Variants in ST6GAL2 observed in about 807,000 individuals in gnomAD.
ST6GAL2 encodes beta-galactoside alpha-2,6-sialyltransferase 2.
A neutral mutation model predicts 37.5 loss-of-function variants in ST6GAL2; 24 were observed. The observed-to-expected ratio is 0.64, with a 90% CI of 0.46 to 0.90. The LOEUF (loss-of-function observed/expected upper bound fraction) is 0.90. Ranked by LOEUF, ST6GAL2 falls within the 40% of genes least tolerant of loss-of-function variation. The pLI, the probability that ST6GAL2 is intolerant of heterozygous loss-of-function variation, is 0.00. For synonymous variants in ST6GAL2, 306 were observed against 295.1 expected (o/e 1.04, Z -0.38); for missense variants, 715 against 712.7 (o/e 1.00, Z -0.04).
intron 2 of ST6GAL2, among the ~76,000 whole-genome samples, chr2:106,839,539 C>T (rs1277629192): frequency 2.0e-5 from 3 of 152,096 alleles, no homozygotes; most frequent in Non-Finnish European, 4.4e-5. Context: ...ATAAATAATG[C>T]TAATTGGATG....
intron 1 of ST6GAL2, among the ~76,000 whole-genome samples, chr2:106,844,944 C>A (rs1448453263): frequency 6.6e-6 from 1 of 152,158 alleles, no homozygotes; most frequent in African/African-American, 2.4e-5. Context: ...AAAGGAAACA[C>A]AAAAACATTA....
At chr2:106,861,147 G>C (rs1677781441) in intron 1 of ST6GAL2, among the ~76,000 whole-genome samples, 1 of 152,118 alleles carries the variant, frequency 6.6e-6, no homozygotes, top group Non-Finnish European at 1.5e-5. Flanking sequence ...CAGGAAAATA[G>C]CACAGCAAAG....
intron 1 of ST6GAL2, among the ~76,000 whole-genome samples, chr2:106,876,261 T>C (rs552217278): frequency 3.3e-5 from 5 of 152,330 alleles, no homozygotes; most frequent in Non-Finnish European, 5.9e-5. Context: ...TTGTACTACA[T>C]TTTAAAATTT....
At chr2:106,884,033 C>G (rs1678858242) in intron 1 of ST6GAL2, among the ~76,000 whole-genome samples, 1 of 152,124 alleles carries the variant, frequency 6.6e-6, no homozygotes, top group Non-Finnish European at 1.5e-5. Context: ...AAATTCTAAA[C>G]CTGGAGGGTA....
chr2:106,813,084 A>C, intron 5 of ST6GAL2: 1 of 1,222,586 alleles, frequency 8.2e-7, no homozygotes, highest in East Asian at 3.3e-5. Flanking sequence ...ATCTTTAAAC[A>C]GTATGAATGT....
intron 5 of ST6GAL2, among the ~76,000 whole-genome samples, chr2:106,820,098 G>T (rs1394163258): frequency 6.6e-6 from 1 of 151,914 alleles, no homozygotes; most frequent in Non-Finnish European, 1.5e-5. Context: ...CAACAAAATG[G>T]CAGGAGTAAG....
chr2:106,871,680 C>T (rs1306277987), intron 1 of ST6GAL2, among the ~76,000 whole-genome samples: 1 of 152,120 alleles, frequency 6.6e-6, no homozygotes. Context: ...TAGGCCTACA[C>T]AGGGTCATGG....
At chr2:106,844,131 G>A (rs2104523429) in intron 1 of ST6GAL2, 97 bp from the exon 2 acceptor site, 1 of 593,978 alleles carries the variant, frequency 1.7e-6, no homozygotes, top group South Asian at 3.0e-5. Context: ...TAGGTGGTGG[G>A]GTGGGGTTGT....
intron 1 of ST6GAL2, among the ~76,000 whole-genome samples, chr2:106,864,982 T>C (rs1224619362): frequency 6.6e-6 from 1 of 152,046 alleles, no homozygotes; most frequent in Non-Finnish European, 1.5e-5. Flanking sequence ...CATTCTATGG[T>C]GTAAACGCTT....
rs538005448 is a variant in ST6GAL2, at chr2:106,865,507, T to C, written c.-58+20586A>G. 3.9e-5 allele frequency among the ~76,000 whole-genome samples: 6 copies of C among 152,294 alleles called. No homozygotes were observed. The East Asian group carries it at 1.2e-3, about 29-fold the overall frequency. ...GGGAGAAAGAAAGCTGTACAGTGCT[T>C]AACACATGAAAACACCCGGTCAGCA... is the stretch of plus-strand genomic sequence containing the variant. On this transcript the variant is annotated intron_variant, in intron 1 of 5. Transcript: ENST00000409382.
intron 2 of ST6GAL2, among the ~76,000 whole-genome samples, chr2:106,838,030 T>A (rs1382314671): frequency 6.6e-6 from 1 of 151,664 alleles, no homozygotes; most frequent in African/African-American, 2.4e-5. Context: ...AAGGGGAGGG[T>A]GCGCTGAGAC....
rs770438688 is a variant in ST6GAL2 at position 106,830,156 on chromosome 2, G to T, written c.1228C>A (p.His410Asn). ...RNPNQPFYIL[H>N]PKFIWQLWDI... ...CAGAGCTGCCATATAAATTTAGGATGAAGAATGTAAAATGGCTGATTTGGG... is the reference window on the plus strand; with the variant it reads ...CAGAGCTGCCATATAAATTTAGGATTAAGAATGTAAAATGGCTGATTTGGG... The change falls in exon 5 of 6, where the codon CAT becomes AAT. Residue 410 changes from histidine to asparagine, a missense_variant. Physicochemically the swap from His to Asn is moderately conservative, Grantham distance 68 (BLOSUM62 1). This residue lies in a region of ST6GAL2 where 198 missense variants were observed against 203.6 expected (regional missense o/e 0.97). Coordinates refer to ENST00000409382, the MANE Select transcript of ST6GAL2 (RefSeq NM_001142351.2). 6.2e-7 allele frequency: 1 copy of T among 1,613,902 alleles called. No individual in the cohort carries two copies. The highest frequency in any genetic ancestry group is 2.2e-5 in the East Asian group (1 of 44,862).
rs1399324772 is a variant in ST6GAL2, at chr2:106,830,227, G to A, written c.1157C>T (p.Pro386Leu). ...ATATGGAGTGAACAGGTTGTAATCC[G>A]GTTTTTTGTACCACTAAGGAAAAAA... is the stretch of plus-strand genomic sequence containing the variant. Reference protein sequence around the residue: ...SANLNLWYKKPDYNLFTPYIQ... With the variant: ...SANLNLWYKKLDYNLFTPYIQ... Residue 386 changes from proline (P) to leucine (L), a missense_variant, in exon 5 of 6, where the codon CCG becomes CTG. Pro to Leu is a moderately conservative substitution (Grantham distance 98, BLOSUM62 -3). Around this residue, in one of 3 missense-constraint regions of ST6GAL2, gnomAD observed 198 missense variants for 203.6 expected, o/e 0.97. Transcript: ENST00000409382. 1.2e-6 allele frequency: 2 copies of A among 1,609,008 alleles called. No homozygotes were observed.
At chr2:106,821,940 T>C (rs1573218901) in intron 5 of ST6GAL2, among the ~76,000 whole-genome samples, 1 of 152,118 alleles carries the variant, frequency 6.6e-6, no homozygotes, top group African/African-American at 2.4e-5. Context: ...TGAAAAAGCA[T>C]TTGAAAAAAT....
intron 1 of ST6GAL2, among the ~76,000 whole-genome samples, chr2:106,874,504 A>G (rs889804777): frequency 2.6e-5 from 4 of 152,092 alleles, no homozygotes; most frequent in African/African-American, 9.7e-5. Flanking sequence ...GAATCTAAGG[A>G]GAAGAGAATG....
chr2:106,848,716 A>T (rs1365844416), intron 1 of ST6GAL2, among the ~76,000 whole-genome samples: 4 of 152,360 alleles, frequency 2.6e-5, no homozygotes, highest in African/African-American at 9.6e-5. Flanking sequence ...GATTCAAATT[A>T]TCAGATGTAA....
chr2:106,849,421 T>C (rs1677269444), intron 1 of ST6GAL2, among the ~76,000 whole-genome samples: 1 of 152,194 alleles, frequency 6.6e-6, no homozygotes, highest in Non-Finnish European at 1.5e-5. Flanking sequence ...TTTGTGGCGA[T>C]AAGATGCCAA....
At chr2:106,865,606 C>A (rs932682690) in intron 1 of ST6GAL2, among the ~76,000 whole-genome samples, 18 of 152,144 alleles carry the variant, frequency 1.2e-4, no homozygotes, top group African/African-American at 4.3e-4. Context: ...TTATTACGAA[C>A]ATTTATTTAT....
In ST6GAL2 at chr2:106,806,516, C is replaced by T. The variant is rs1266426459; in HGVS notation, c.*162G>A. ...CATTTCTATGTTCAAAGCAGTAATACATACTCAATGGCTTAGAAAGAGAAG... is the reference window on the plus strand; with the variant it reads ...CATTTCTATGTTCAAAGCAGTAATATATACTCAATGGCTTAGAAAGAGAAG... On this transcript the variant is annotated 3_prime_UTR_variant, in exon 6 of 6. Coordinates refer to ENST00000409382, the MANE Select transcript of ST6GAL2 (RefSeq NM_001142351.2). 6.2e-6 allele frequency: 5 copies of T among 806,978 alleles called. No homozygotes were observed. Among genetic ancestry groups the T allele is most frequent in the Non-Finnish European group, 9.6e-6 (5 of 519,388 alleles). The allele number at this position is 806,978 out of a possible 1,614,324, so 50.0% of individuals were successfully genotyped here.
Sources: allele counts gnomAD v4.1 joint callset (sites outside exome capture counted in the v4.1 genomes callset), GRCh38; gene constraint gnomAD v4.1.1; regional missense constraint gnomAD v4.1.1; transcripts MANE v1.5; gene names NCBI Gene and HGNC (gene_info 2026-07-23, HGNC 2026-07-21).